The following MAGI1 variants were observed in gnomAD, a reference collection of about 807,000 sequenced individuals.
MAGI1 encodes the protein membrane associated guanylate kinase, WW and PDZ domain containing 1.
A neutral mutation model predicts 139.9 loss-of-function variants in MAGI1; 58 were observed. That is an observed-to-expected ratio of 0.41 (90% CI 0.34 to 0.52). The LOEUF is 0.52. Among genes scored for constraint, MAGI1 ranks in the 20% least tolerant of loss-of-function variants. The pLI, the probability that MAGI1 is intolerant of heterozygous loss-of-function variation, is 0.12. For missense variants in MAGI1, 1,874 were observed against 1,901.6 expected, an observed-to-expected ratio of 0.99 and a Z score of 0.27; for synonymous variants, 812 against 737.9, an observed-to-expected ratio of 1.10 and a Z score of -1.63.
chr3:65,951,017 AAGG>A (rs2063824688), intron 1 of MAGI1, among the ~76,000 whole-genome samples: 7 of 89,590 alleles, frequency 7.8e-5, no homozygotes, highest in African/African-American at 1.7e-4. Context: ...GGAAGGAAGG[AAGG>A]AAGGAAGGAA....
chr3:65,383,391 A>G (rs1575573525), intron 15 of MAGI1, 141 bp downstream of exon 15: 5 of 651,460 alleles, frequency 7.7e-6, no homozygotes, highest in East Asian at 5.4e-5. Flanking sequence ...ACAAAACCCA[A>G]TGAGAAACCC....
chr3:65,824,705 A>G (rs893612026), intron 1 of MAGI1, among the ~76,000 whole-genome samples: 2 of 152,204 alleles, frequency 1.3e-5, no homozygotes, highest in African/African-American at 4.8e-5. Context: ...TACCTTCTAC[A>G]TCTAATGCAG....
chr3:65,690,150 T>C (rs1402710404), intron 1 of MAGI1, among the ~76,000 whole-genome samples: 2 of 151,790 alleles, frequency 1.3e-5, no homozygotes, highest in South Asian at 2.1e-4. Context: ...GTTGGAAGGA[T>C]AGGAAATAAA....
chr3:65,701,358 T>G (rs2107611827), intron 1 of MAGI1, among the ~76,000 whole-genome samples: 1 of 152,310 alleles, frequency 6.6e-6, no homozygotes, highest in East Asian at 1.9e-4. Flanking sequence ...GGTCAAGCGA[T>G]TCTCCTGTTT....
At chr3:65,567,192 A>G (rs927396844) in intron 2 of MAGI1, among the ~76,000 whole-genome samples, 3 of 152,240 alleles carry the variant, frequency 2.0e-5, no homozygotes, top group Middle Eastern at 6.8e-3. Context: ...GTTTTAAAAG[A>G]TGAGCTTTTT....
At chr3:65,819,288 AAAAC>A (rs1235488735) in intron 1 of MAGI1, among the ~76,000 whole-genome samples, 6 of 152,056 alleles carry the variant, frequency 3.9e-5, no homozygotes, top group Admixed American at 6.5e-5. Context: ...TCCATCTCAA[AAAAC>A]AAACAAACAA....
chr3:65,904,231 T>G (rs1187590153), intron 1 of MAGI1, among the ~76,000 whole-genome samples: 1 of 152,208 alleles, frequency 6.6e-6, no homozygotes, highest in Non-Finnish European at 1.5e-5. Flanking sequence ...GGAGAGCCCA[T>G]GAGGGCAAGA....
chr3:65,402,197 A>G (rs1256851335), intron 12 of MAGI1, among the ~76,000 whole-genome samples: 1 of 152,182 alleles, frequency 6.6e-6, no homozygotes, highest in Non-Finnish European at 1.5e-5. Context: ...CTCAGGAGGG[A>G]AAGCATGTCA....
At chr3:65,648,891 A>T (rs2085425448) in intron 1 of MAGI1, among the ~76,000 whole-genome samples, 1 of 152,194 alleles carries the variant, frequency 6.6e-6, no homozygotes. Context: ...GAACTCAGAA[A>T]CAGATTCATT....
At chr3:65,768,386 C>G (rs1361833966) in intron 1 of MAGI1, among the ~76,000 whole-genome samples, 3 of 152,018 alleles carry the variant, frequency 2.0e-5, no homozygotes, top group Non-Finnish European at 2.9e-5. Context: ...CGCCACTGGA[C>G]TCCAACCTAC....
chr3:65,477,138 T>C (rs1950937818), intron 4 of MAGI1, among the ~76,000 whole-genome samples: 1 of 152,220 alleles, frequency 6.6e-6, no homozygotes, highest in African/African-American at 2.4e-5. Flanking sequence ...CCTCTGTCTT[T>C]ACCTAACACT....
intron 1 of MAGI1, among the ~76,000 whole-genome samples, chr3:66,032,485 G>A (rs989304778): frequency 6.6e-6 from 1 of 150,420 alleles, no homozygotes; most frequent in African/African-American, 2.4e-5. Context: ...CTCCCAAAGT[G>A]CTGGGATTAC....
intron 1 of MAGI1, among the ~76,000 whole-genome samples, chr3:65,634,251 A>T (rs1267613378): frequency 2.6e-5 from 4 of 152,204 alleles, no homozygotes; most frequent in Non-Finnish European, 5.9e-5. Flanking sequence ...GATAATAAAG[A>T]CAAACCAGGA....
At chr3:65,941,682 T>C (rs532766497) in intron 1 of MAGI1, among the ~76,000 whole-genome samples, 3 of 148,170 alleles carry the variant, frequency 2.0e-5, no homozygotes, top group South Asian at 2.1e-4. Context: ...AGTCTAAAGC[T>C]CTTGAGTTTG....
chr3:65,841,902 C>T (rs1194156218), intron 1 of MAGI1, among the ~76,000 whole-genome samples: 2 of 152,300 alleles, frequency 1.3e-5, no homozygotes, highest in East Asian at 3.9e-4. Flanking sequence ...AGCCAACTCA[C>T]AATGCCTAAG....
intron 2 of MAGI1, among the ~76,000 whole-genome samples, chr3:65,534,965 T>C (rs2078893903): frequency 6.6e-6 from 1 of 152,034 alleles, no homozygotes; most frequent in South Asian, 2.1e-4. Context: ...GGAGGGGAAG[T>C]GCCAACTCTC....
At chr3:65,571,342 G>A (rs1391366004) in intron 2 of MAGI1, among the ~76,000 whole-genome samples, 1 of 152,030 alleles carries the variant, frequency 6.6e-6, no homozygotes, top group African/African-American at 2.4e-5. Context: ...AAATGTGGAA[G>A]AAATAAATGC....
intron 1 of MAGI1, among the ~76,000 whole-genome samples, chr3:65,912,087 C>G (rs1477265159): frequency 2.6e-5 from 4 of 152,142 alleles, no homozygotes; most frequent in Non-Finnish European, 5.9e-5. Flanking sequence ...ATAATTCTAT[C>G]TTAGACATAT....
At chr3:65,996,731 C>A (rs1464630742) in intron 1 of MAGI1, among the ~76,000 whole-genome samples, 1 of 152,220 alleles carries the variant, frequency 6.6e-6, no homozygotes, top group Non-Finnish European at 1.5e-5. Flanking sequence ...ATAGACACTC[C>A]AGCTTGTGCT....
Sources: allele counts gnomAD v4.1 joint callset (sites outside exome capture counted in the v4.1 genomes callset), GRCh38; gene constraint gnomAD v4.1.1; transcripts MANE v1.5; gene names NCBI Gene and HGNC (gene_info 2026-07-23, HGNC 2026-07-21).